DNAAF11: variants seen among roughly 807,000 people sequenced by gnomAD.
DNAAF11 encodes the protein dynein axonemal assembly factor 11.
DNAAF11 carries 45 observed loss-of-function variants against 60.8 expected under a neutral mutation model. The ratio of observed to expected loss-of-function variants is 0.74; its 90% confidence interval spans 0.58 to 0.95. The LOEUF (loss-of-function observed/expected upper bound fraction) is 0.95, where lower values mean the gene tolerates loss of function less well. Ranked by LOEUF, DNAAF11 falls within the 40% of genes least tolerant of loss-of-function variation. The probability of loss-of-function intolerance (pLI) is 0.00; values close to 1 mark genes in which losing one functional copy is unlikely to be tolerated. For synonymous variants in DNAAF11, 191 were observed against 183.5 expected (o/e 1.04, Z -0.33); for missense variants, 546 against 546.2 (o/e 1.00, Z 0.00).
intron 10 of DNAAF11, among the ~76,000 whole-genome samples, chr8:132,593,716 C>T (rs996223753): frequency 4.6e-5 from 7 of 151,828 alleles, no homozygotes; most frequent in African/African-American, 1.4e-4. Flanking sequence ...ATAAAGAGAT[C>T]AATGGAAAAA....
chr8:132,669,723 C>T (rs539884472), intron 1 of DNAAF11, among the ~76,000 whole-genome samples: 3 of 152,188 alleles, frequency 2.0e-5, no homozygotes, highest in Non-Finnish European at 4.4e-5. Context: ...ACAGGGTTTA[C>T]CCTCTAGCCT....
At chr8:132,587,212 T>G (rs1046165295) in intron 10 of DNAAF11, among the ~76,000 whole-genome samples, 12 of 152,162 alleles carry the variant, frequency 7.9e-5, no homozygotes, top group African/African-American at 2.9e-4. Flanking sequence ...GAACTTTTAT[T>G]CACAGGGAAT....
At chr8:132,633,143 C>G (rs1820973888) in intron 4 of DNAAF11, among the ~76,000 whole-genome samples, 180 bp from the exon 5 acceptor site, 1 of 152,052 alleles carries the variant, frequency 6.6e-6, no homozygotes, top group African/African-American at 2.4e-5. Flanking sequence ...ATAATTTACA[C>G]AGTTTAAAAA....
In DNAAF11 at chr8:132,571,173, C is replaced by T. The variant is rs1171118295; in HGVS notation, c.*1133G>A. Among the ~76,000 whole-genome samples the T allele has an allele frequency of 6.6e-6, 1 of 152,188 alleles. No individual in the cohort carries two copies. ...GCCCTGTCTGAAAAAGCACCCATCA[C>T]CCTTGATTCCCTCACTCTGACTCTC... On this transcript the variant is annotated 3_prime_UTR_variant, in exon 12 of 12. Coordinates refer to ENST00000620350, the MANE Select transcript of DNAAF11 (RefSeq NM_012472.6).
intron 7 of DNAAF11, among the ~76,000 whole-genome samples, chr8:132,621,056 G>C (rs1000070609): frequency 6.6e-6 from 1 of 152,174 alleles, no homozygotes; most frequent in Non-Finnish European, 1.5e-5. Flanking sequence ...CTGGGGTTGA[G>C]GGTTGACCAG....
chr8:132,641,516 A>C (rs1586665777), intron 3 of DNAAF11, among the ~76,000 whole-genome samples: 1 of 152,024 alleles, frequency 6.6e-6, no homozygotes, highest in East Asian at 1.9e-4. Context: ...TACTTGTAGA[A>C]GAAATGAAGA....
intron 11 of DNAAF11, among the ~76,000 whole-genome samples, chr8:132,579,824 G>A (rs1215768322): frequency 1.3e-5 from 2 of 152,012 alleles, no homozygotes; most frequent in African/African-American, 4.8e-5. Context: ...GCAAAAACCT[G>A]TCTCTACTAA....
intron 5 of DNAAF11, among the ~76,000 whole-genome samples, chr8:132,631,103 T>C (rs1238161804): frequency 6.6e-6 from 1 of 152,202 alleles, no homozygotes; most frequent in African/African-American, 2.4e-5. Context: ...TCAACATGGA[T>C]TCAATAAATA....
intron 3 of DNAAF11, among the ~76,000 whole-genome samples, chr8:132,639,004 A>G (rs946746026): frequency 6.6e-6 from 1 of 152,220 alleles, no homozygotes; most frequent in Non-Finnish European, 1.5e-5. Context: ...TAGTATTGGT[A>G]CCAGAGTCAG....
chr8:132,617,585 G>A (rs1203363738), intron 7 of DNAAF11, among the ~76,000 whole-genome samples: 1 of 152,168 alleles, frequency 6.6e-6, no homozygotes, highest in African/African-American at 2.4e-5. Flanking sequence ...CATGTTGTCT[G>A]CAAATTTTCC....
intron 1 of DNAAF11, among the ~76,000 whole-genome samples, chr8:132,662,941 G>A (rs1824276540): frequency 6.6e-6 from 1 of 152,200 alleles, no homozygotes; most frequent in African/African-American, 2.4e-5. Context: ...CATTCATGTG[G>A]AGTTAGCTAA....
the DNAAF11 span, among the ~76,000 whole-genome samples, chr8:132,691,193 G>A: frequency 6.6e-6 from 1 of 152,094 alleles, no homozygotes; most frequent in Non-Finnish European, 1.5e-5. Context: ...ATTTATATCA[G>A]TATAGACTCA....
intron 7 of DNAAF11, among the ~76,000 whole-genome samples, chr8:132,619,459 TA>T (rs60661885): frequency 4.6e-5 from 7 of 150,850 alleles, no homozygotes; most frequent in Middle Eastern, 3.4e-3. Context: ...AATAATAAAT[TA>T]AAAAAAAAGA....
At chr8:132,649,583 C>A (rs911670192) in intron 3 of DNAAF11, among the ~76,000 whole-genome samples, 1 of 152,040 alleles carries the variant, frequency 6.6e-6, no homozygotes, top group Non-Finnish European at 1.5e-5. Context: ...AACAGGCAAC[C>A]TACAAAATGG....
intron 11 of DNAAF11, 102 bp downstream of exon 11, chr8:132,583,592 A>C: frequency 1.1e-6 from 1 of 881,480 alleles, no homozygotes; most frequent in Non-Finnish European, 1.9e-6. Flanking sequence ...ATCATCTCAG[A>C]ACTTTAAATA....
At chr8:132,627,395 A>G (rs1215879724) in intron 5 of DNAAF11, among the ~76,000 whole-genome samples, 2 of 152,204 alleles carry the variant, frequency 1.3e-5, no homozygotes, top group African/African-American at 4.8e-5. Flanking sequence ...TTGATGAAAC[A>G]GAGTGAGCTC....
intron 3 of DNAAF11, among the ~76,000 whole-genome samples, chr8:132,653,201 G>A (rs1009512337): frequency 6.6e-6 from 1 of 152,018 alleles, no homozygotes; most frequent in African/African-American, 2.4e-5. Flanking sequence ...AAAGATAATA[G>A]GTAGATGGAT....
the DNAAF11 span, among the ~76,000 whole-genome samples, chr8:132,680,902 A>G: frequency 1.3e-5 from 2 of 150,182 alleles, no homozygotes; most frequent in African/African-American, 4.9e-5. Flanking sequence ...TGTAGAAAGT[A>G]CTCAGTATGA....
At chr8:132,620,223 A>C (rs2130215422) in intron 7 of DNAAF11, among the ~76,000 whole-genome samples, 1 of 152,274 alleles carries the variant, frequency 6.6e-6, no homozygotes, top group East Asian at 1.9e-4. Context: ...GACCAGCCCA[A>C]GAGTGGGTAG....
Sources: gnomAD v4.1 joint callset for allele counts (sites outside exome capture counted in the v4.1 genomes callset) on GRCh38, gnomAD v4.1.1 for gene constraint, MANE v1.5 for transcripts, NCBI Gene and HGNC (gene_info 2026-07-23, HGNC 2026-07-21) for gene names.